The following PLCB1 variants were observed in gnomAD, a reference collection of about 807,000 sequenced individuals.
The protein encoded by PLCB1 is 1-phosphatidylinositol 4,5-bisphosphate phosphodiesterase beta-1.
PLCB1 carries 46 observed loss-of-function variants against 161.8 expected under a neutral mutation model. That is an observed-to-expected ratio of 0.28 (90% CI 0.22 to 0.36). The LOEUF is 0.36. Among genes scored for constraint, PLCB1 ranks in the 10% least tolerant of loss-of-function variants. The probability of loss-of-function intolerance (pLI) is 1.00; values close to 1 mark genes in which losing one functional copy is unlikely to be tolerated. For missense variants in PLCB1, 1,016 were observed against 1,472.5 expected (o/e 0.69, Z 5.07); for synonymous variants, 517 against 503.7 (o/e 1.03, Z -0.35).
chr20:8,139,797 A>G (rs1401088660), intron 1 of PLCB1, among the ~76,000 whole-genome samples: 1 of 152,218 alleles, frequency 6.6e-6, no homozygotes, highest in Non-Finnish European at 1.5e-5. Context: ...CTCACATAGC[A>G]TCGATTCCTA....
At chr20:8,278,666 C>T (rs1223061827) in intron 2 of PLCB1, among the ~76,000 whole-genome samples, 1 of 151,894 alleles carries the variant, frequency 6.6e-6, no homozygotes, top group Non-Finnish European at 1.5e-5. Flanking sequence ...CATCAGCTGG[C>T]CAAAATTAAA....
chr20:8,851,271 G>T (rs1466874986), intron 31 of PLCB1, among the ~76,000 whole-genome samples: 2 of 152,112 alleles, frequency 1.3e-5, no homozygotes, highest in African/African-American at 4.8e-5. Flanking sequence ...ACTACCACCA[G>T]TGCTTTTCAC....
intron 3 of PLCB1, among the ~76,000 whole-genome samples, chr20:8,484,099 C>T (rs987936427): frequency 6.6e-6 from 1 of 152,316 alleles, no homozygotes; most frequent in Middle Eastern, 3.4e-3. Flanking sequence ...GATCTTGGCT[C>T]ACCACAACCT....
chr20:8,417,921 A>T (rs1979374936), intron 3 of PLCB1, among the ~76,000 whole-genome samples: 1 of 152,230 alleles, frequency 6.6e-6, no homozygotes. Context: ...TAAGTGTTAC[A>T]CACAGGATGT....
At chr20:8,651,319 G>A in intron 7 of PLCB1, 1 of 653,010 alleles carries the variant, frequency 1.5e-6, no homozygotes, top group Non-Finnish European at 2.8e-6. Context: ...TTATTGTTGT[G>A]AAGACTTTTC....
At chr20:8,539,635 T>TCTTTC (rs1186372353) in intron 3 of PLCB1, among the ~76,000 whole-genome samples, 5 of 78,642 alleles carry the variant, frequency 6.4e-5, no homozygotes, top group Admixed American at 1.6e-4. Flanking sequence ...TTTCTTTCTT[T>TCTTTC]CTTTCTTTCT....
intron 14 of PLCB1, among the ~76,000 whole-genome samples, chr20:8,720,282 G>T (rs1298883299): frequency 6.6e-6 from 1 of 152,138 alleles, no homozygotes; most frequent in Non-Finnish European, 1.5e-5. Context: ...ATTTTTACAG[G>T]CAGTGAACAT....
intron 2 of PLCB1, among the ~76,000 whole-genome samples, chr20:8,221,015 A>T (rs537013287): frequency 6.6e-6 from 1 of 152,162 alleles, no homozygotes; most frequent in Non-Finnish European, 1.5e-5. Flanking sequence ...GAAGTTGGAA[A>T]TCTTCCACTT....
rs546654728 is a variant in PLCB1 at position 8,360,126 on chromosome 20, T to G, written c.178-11256T>G. ...AACCTCAACCTAAGCTACTGAAAGC[T>G]GCAGAGCACAAATTACACCTCGAGT... On this transcript the variant is annotated intron_variant, in intron 2 of 31. Coordinates refer to ENST00000338037, the MANE Select transcript of PLCB1 (RefSeq NM_015192.4). 4.3e-4 allele frequency among the ~76,000 whole-genome samples: 66 copies of G among 152,332 alleles called. 1 individual carries two copies. In the South Asian group the frequency reaches 0.013, roughly 31 times the overall value.
At chr20:8,674,102 A>C (rs1036884501) in intron 9 of PLCB1, among the ~76,000 whole-genome samples, 9 of 152,164 alleles carry the variant, frequency 5.9e-5, no homozygotes, top group African/African-American at 2.2e-4. Context: ...CATTTCCTTC[A>C]AGGGAAACAC....
intron 31 of PLCB1, among the ~76,000 whole-genome samples, chr20:8,869,301 G>T (rs1987534824): frequency 6.6e-6 from 1 of 151,858 alleles, no homozygotes; most frequent in Non-Finnish European, 1.5e-5. Context: ...TCATTTTTAT[G>T]CCCAGCTGAG....
At chr20:8,644,863 A>G (rs1486657645) in intron 4 of PLCB1, among the ~76,000 whole-genome samples, 2 of 152,194 alleles carry the variant, frequency 1.3e-5, no homozygotes, top group Non-Finnish European at 2.9e-5. Flanking sequence ...CAGGATGACA[A>G]TGGCGGTTTT....
chr20:8,718,053 C>T (rs529022349), intron 14 of PLCB1, among the ~76,000 whole-genome samples: 1 of 136,828 alleles, frequency 7.3e-6, no homozygotes, highest in African/African-American at 2.6e-5. Context: ...AATCCTGTCT[C>T]TTGCAAAAAT....
intron 4 of PLCB1, among the ~76,000 whole-genome samples, chr20:8,630,003 TTTCTTTC>T: frequency 9.6e-6 from 1 of 103,686 alleles, no homozygotes. Flanking sequence ...TCTTTCTTTC[TTTCTTTC>T]TCTTTCTTCT....
At chr20:8,486,702 A>T (rs551545946) in intron 3 of PLCB1, among the ~76,000 whole-genome samples, 1 of 150,934 alleles carries the variant, frequency 6.6e-6, no homozygotes, top group Admixed American at 6.6e-5. Flanking sequence ...TCACCTTGTT[A>T]GCCAGGATGG....
intron 2 of PLCB1, among the ~76,000 whole-genome samples, chr20:8,288,940 G>C (rs557707238): frequency 6.6e-6 from 1 of 152,222 alleles, no homozygotes; most frequent in African/African-American, 2.4e-5. Flanking sequence ...GAGCACATCA[G>C]TGTTGTATCA....
At chr20:8,591,153 T>G (rs2123108928) in intron 3 of PLCB1, among the ~76,000 whole-genome samples, 1 of 152,350 alleles carries the variant, frequency 6.6e-6, no homozygotes, top group East Asian at 1.9e-4. Context: ...GGACATGATC[T>G]TGTTCCTTTT....
chr20:8,480,721 G>A (rs1032384675), intron 3 of PLCB1, among the ~76,000 whole-genome samples: 2 of 152,130 alleles, frequency 1.3e-5, no homozygotes, highest in Admixed American at 1.3e-4. Context: ...ACTGCAGTGT[G>A]GACTGAACTT....
chr20:8,517,066 T>C (rs1984160254), intron 3 of PLCB1, among the ~76,000 whole-genome samples: 1 of 152,004 alleles, frequency 6.6e-6, no homozygotes, highest in Non-Finnish European at 1.5e-5. Context: ...CAGAAAAAAT[T>C]CACCACAATA....
Sources: allele counts gnomAD v4.1 joint callset (sites outside exome capture counted in the v4.1 genomes callset), GRCh38; gene constraint gnomAD v4.1.1; transcripts MANE v1.5; gene names NCBI Gene and HGNC (gene_info 2026-07-23, HGNC 2026-07-21).